RALGPS1: variants seen among roughly 807,000 people sequenced by gnomAD.
RALGPS1 encodes ras-specific guanine nucleotide-releasing factor RalGPS1.
A neutral mutation model predicts 78.8 loss-of-function variants in RALGPS1; 19 were observed. The observed-to-expected ratio is 0.24, with a 90% CI of 0.17 to 0.35. The LOEUF is 0.35. RALGPS1 is among the 10% of genes least tolerant of loss of function. The pLI is 1.00. For synonymous variants in RALGPS1, 228 were observed against 256.3 expected, an observed-to-expected ratio of 0.89 and a Z score of 1.06; for missense variants, 454 against 688.3, an observed-to-expected ratio of 0.66 and a Z score of 3.81.
chr9:127,201,347 G>A (rs954941291), intron 14 of RALGPS1, among the ~76,000 whole-genome samples: 2 of 152,216 alleles, frequency 1.3e-5, no homozygotes, highest in African/African-American at 4.8e-5. Context: ...CCTTGCTGAG[G>A]GGAGCAGGGG....
chr9:127,032,190 C>T (rs1036017642), intron 4 of RALGPS1, among the ~76,000 whole-genome samples: 4 of 152,252 alleles, frequency 2.6e-5, no homozygotes, highest in East Asian at 1.9e-4. Flanking sequence ...TAGTATCATA[C>T]CCACTTTAAG....
chr9:127,150,829 G>T (rs775831200), intron 8 of RALGPS1, among the ~76,000 whole-genome samples: 9 of 152,176 alleles, frequency 5.9e-5, no homozygotes, highest in Non-Finnish European at 1.2e-4. Flanking sequence ...TGCAGAAGGA[G>T]TCTGTGGGCT....
At chr9:126,988,499 T>G (rs896168526) in intron 4 of RALGPS1, among the ~76,000 whole-genome samples, 1 of 152,190 alleles carries the variant, frequency 6.6e-6, no homozygotes, top group African/African-American at 2.4e-5. Flanking sequence ...CTCAAACTCC[T>G]GGGCTGAAGC....
At chr9:127,187,092 G>A (rs1439075992) in intron 11 of RALGPS1, among the ~76,000 whole-genome samples, 1 of 152,224 alleles carries the variant, frequency 6.6e-6, no homozygotes, top group Non-Finnish European at 1.5e-5. Context: ...TGACTGCAGA[G>A]TGCCTCTGAG....
rs184180771 is a variant in RALGPS1, at chr9:127,084,728, G to T, written c.610+15372G>T. ...CTTCTTTCTATACTTCTCACACAGTGTCAGGGAAGCCATCAACTAATGCTG... is the reference window on the plus strand; with the variant it reads ...CTTCTTTCTATACTTCTCACACAGTTTCAGGGAAGCCATCAACTAATGCTG... On this transcript the variant is annotated intron_variant, in intron 8 of 18. Transcript: ENST00000259351. 3.2e-4 allele frequency among the ~76,000 whole-genome samples: 49 copies of T among 152,352 alleles called. 1 individual carries two copies. Among genetic ancestry groups the T allele is most frequent in the Admixed American group, 2.7e-3 (41 of 15,306 alleles).
intron 1 of RALGPS1, among the ~76,000 whole-genome samples, chr9:126,943,603 G>T (rs1350261850): frequency 6.6e-6 from 1 of 152,182 alleles, no homozygotes; most frequent in East Asian, 1.9e-4. Flanking sequence ...CATCAACCCT[G>T]CAGTGCTCTC....
At chr9:127,093,593 A>C in intron 8 of RALGPS1, 3 of 990,116 alleles carry the variant, frequency 3.0e-6, no homozygotes, top group South Asian at 1.6e-5. Flanking sequence ...CGCCTCAGGT[A>C]TATGTGTTGT....
chr9:126,963,628 A>G (rs2039139357), intron 2 of RALGPS1, among the ~76,000 whole-genome samples: 3 of 152,190 alleles, frequency 2.0e-5, no homozygotes, highest in South Asian at 2.1e-4. Flanking sequence ...TGCATGTTCC[A>G]TAGGCACTGT....
chr9:127,041,031 T>TTGTGTGTG (rs58541875), intron 5 of RALGPS1, among the ~76,000 whole-genome samples: 20,490 of 135,670 alleles, frequency 0.15, 1,752 homozygotes, highest in Middle Eastern at 0.25. Context: ...CTACAAACAT[T>TTGTGTGTG]TGTGTGTGTG....
At chr9:127,018,547 C>T (rs1411503076) in intron 4 of RALGPS1, among the ~76,000 whole-genome samples, 1 of 149,714 alleles carries the variant, frequency 6.7e-6, no homozygotes, top group African/African-American at 2.5e-5. Context: ...GCACAAGAAT[C>T]GCTTGAACCT....
chr9:127,190,085 C>T (rs979132310), intron 11 of RALGPS1, among the ~76,000 whole-genome samples: 6 of 152,216 alleles, frequency 3.9e-5, no homozygotes, highest in African/African-American at 1.2e-4. Flanking sequence ...ATTAATACTA[C>T]ACACAGAGGG....
chr9:127,009,912 C>T (rs957593724), intron 4 of RALGPS1, among the ~76,000 whole-genome samples: 1 of 152,212 alleles, frequency 6.6e-6, no homozygotes, highest in East Asian at 1.9e-4. Flanking sequence ...AGTTGCACAC[C>T]AGGAATATCT....
At chr9:127,178,471 G>A (rs1487235109) in intron 11 of RALGPS1, 7 of 991,796 alleles carry the variant, frequency 7.1e-6, no homozygotes, top group Admixed American at 5.7e-5. Flanking sequence ...TAGAACACAC[G>A]TGTTAGGTGG....
intron 11 of RALGPS1, among the ~76,000 whole-genome samples, chr9:127,190,262 A>G (rs2060950829): frequency 6.6e-6 from 1 of 152,266 alleles, no homozygotes; most frequent in African/African-American, 2.4e-5. Context: ...CCTAAGTGGC[A>G]TAATGCCATA....
intron 8 of RALGPS1, among the ~76,000 whole-genome samples, chr9:127,128,076 C>T (rs1303760402): frequency 6.7e-6 from 1 of 149,816 alleles, no homozygotes; most frequent in Non-Finnish European, 1.5e-5. Context: ...TCAGCTCCCA[C>T]TTATGAATGA....
At chr9:127,099,069 G>C (rs539955172) in intron 8 of RALGPS1, among the ~76,000 whole-genome samples, 2 of 152,192 alleles carry the variant, frequency 1.3e-5, no homozygotes, top group African/African-American at 2.4e-5. Context: ...CCTGAGGTGT[G>C]GGGGGAGGAG....
chr9:127,065,564 C>T (rs562592177), intron 7 of RALGPS1, among the ~76,000 whole-genome samples: 2 of 152,238 alleles, frequency 1.3e-5, no homozygotes, highest in Non-Finnish European at 2.9e-5. Context: ...TTTTTCTTAT[C>T]CTATCTACCA....
intron 11 of RALGPS1, among the ~76,000 whole-genome samples, chr9:127,182,541 T>C (rs1437965816): frequency 6.6e-6 from 1 of 151,658 alleles, no homozygotes; most frequent in African/African-American, 2.4e-5. Context: ...GTGATTCTCC[T>C]GCCTCAGCCT....
At chr9:126,936,141 GGC>G (rs2036236887) in intron 1 of RALGPS1, among the ~76,000 whole-genome samples, 1 of 152,230 alleles carries the variant, frequency 6.6e-6, no homozygotes, top group South Asian at 2.1e-4. Context: ...CCGAGCCTCA[GGC>G]ATGCTAAGGC....
Sources: gnomAD v4.1 joint callset for allele counts (sites outside exome capture counted in the v4.1 genomes callset) on GRCh38, gnomAD v4.1.1 for gene constraint, MANE v1.5 for transcripts, NCBI Gene and HGNC (gene_info 2026-07-23, HGNC 2026-07-21) for gene names.